Variants in EPAS1 observed in about 807,000 individuals in gnomAD.
EPAS1 encodes the protein endothelial PAS domain-containing protein 1.
Under a neutral mutation model 87.9 loss-of-function variants are expected in EPAS1, and 23 were observed. That is an observed-to-expected ratio of 0.26 (90% CI 0.19 to 0.37). EPAS1 has a LOEUF of 0.37. Among genes scored for constraint, EPAS1 ranks in the 10% least tolerant of loss-of-function variants. The pLI, the probability that EPAS1 is intolerant of heterozygous loss-of-function variation, is 1.00. For missense variants in EPAS1, 1,138 were observed against 1,120.7 expected, an observed-to-expected ratio of 1.02 and a Z score of -0.22; for synonymous variants, 508 against 444.3, an observed-to-expected ratio of 1.14 and a Z score of -1.80.
At chr2:46,329,661 A>C (rs1683635962) in intron 1 of EPAS1, among the ~76,000 whole-genome samples, 1 of 152,120 alleles carries the variant, frequency 6.6e-6, no homozygotes, top group Non-Finnish European at 1.5e-5. Context: ...GTCTCTACTA[A>C]AAATACACAA....
chr2:46,317,631 G>C (rs539644781), intron 1 of EPAS1, among the ~76,000 whole-genome samples: 1 of 152,186 alleles, frequency 6.6e-6, no homozygotes. Flanking sequence ...TTAGTCCCTA[G>C]TAAGAGAGTC....
intron 4 of EPAS1, among the ~76,000 whole-genome samples, chr2:46,357,444 A>G (rs1281213551): frequency 1.2e-4 from 18 of 152,166 alleles, no homozygotes; most frequent in Admixed American, 1.1e-3. Flanking sequence ...CCCTCTCCAT[A>G]TGGTGTCTCT....
At chr2:46,302,118 C>CTCTGTGTATGTG (rs35925160) in intron 1 of EPAS1, among the ~76,000 whole-genome samples, 1 of 127,578 alleles carries the variant, frequency 7.8e-6, no homozygotes, top group Non-Finnish European at 1.6e-5. Flanking sequence ...CTCTTTCTCT[C>CTCTGTGTATGTG]TGTGTGTGTG....
Position 46,380,163 on chromosome 2 carries a change from T to TGGAATAGTGTTTGTGAGGTC in EPAS1, c.1555-62_1555-43dup. ...ATGAATGGCTCTGCAGGAGCTGAGT[T>TGGAATAGTGTTTGTGAGGTC]GGAATAGTGTTTGTGAGGTCGTACC... On this transcript the variant is annotated intron_variant, in intron 11 of 15. Transcript: ENST00000263734. This position sits in a 1 kb window ranked among gnomAD's most constrained non-coding sequence, Gnocchi z 4.4. 6.3e-7 allele frequency: 1 copy of TGGAATAGTGTTTGTGAGGTC among 1,599,736 alleles called. No homozygotes were observed. Among genetic ancestry groups the TGGAATAGTGTTTGTGAGGTC allele is most frequent in the Non-Finnish European group, 8.5e-7 (1 of 1,179,744 alleles).
chr2:46,362,134 C>T (rs1012416588), intron 6 of EPAS1, among the ~76,000 whole-genome samples: 1 of 152,218 alleles, frequency 6.6e-6, no homozygotes, highest in Non-Finnish European at 1.5e-5. Flanking sequence ...GCATCTAGAG[C>T]CGCCATGTGT....
In EPAS1 at chr2:46,375,012, G is replaced by C. The variant is rs77903214; in HGVS notation, c.887-678G>C. 0.028 allele frequency among the ~76,000 whole-genome samples: 4,234 copies of C among 152,178 alleles called. 90 individuals are homozygous for C. Among genetic ancestry groups the C allele is most frequent in the Middle Eastern group, 0.048 (14 of 294 alleles). On this transcript the variant is annotated intron_variant, in intron 7 of 15. Coordinates refer to ENST00000263734, the MANE Select transcript of EPAS1 (RefSeq NM_001430.5). This position sits in a 1 kb window ranked among gnomAD's most constrained non-coding sequence, Gnocchi z 4.1. ...CTGCCAGGGTCCCAGCTCTTTCTCA[G>C]CCCCAACTGAGAAAGGGTGGGGTGG...
chr2:46,376,444 C>G, intron 8 of EPAS1, 95 bp from the exon 9 acceptor site: 1 of 1,236,214 alleles, frequency 8.1e-7, no homozygotes, highest in African/African-American at 1.5e-5. Flanking sequence ...CATTTTTTGT[C>G]GGAGAGCTTA....
At chr2:46,359,368 T>C (rs1396759495) in intron 4 of EPAS1, among the ~76,000 whole-genome samples, 2 of 144,906 alleles carry the variant, frequency 1.4e-5, no homozygotes, top group Non-Finnish European at 3.0e-5. Context: ...AATGAATCCC[T>C]CCAGCCCCCT....
intron 4 of EPAS1, among the ~76,000 whole-genome samples, chr2:46,358,566 C>A (rs1355314527): frequency 6.6e-6 from 1 of 152,224 alleles, no homozygotes; most frequent in African/African-American, 2.4e-5. Flanking sequence ...GAAGCAAGTA[C>A]CCTACTTCTC....
Position 46,371,058 on chromosome 2 carries a change from G to A in EPAS1, c.886+1125G>A, listed in dbSNP as rs1333950340. 1.3e-5 allele frequency among the ~76,000 whole-genome samples: 2 copies of A among 152,156 alleles called. No homozygotes were observed. The highest frequency in any genetic ancestry group is 2.9e-5 in the Non-Finnish European group (2 of 68,036). ...CACTAAATGCACTATATAAACCGAT[G>A]GGCAAGACTGTATTTGGAAAAGAAT... is the stretch of plus-strand genomic sequence containing the variant. On this transcript the variant is annotated intron_variant, in intron 7 of 15. Coordinates refer to ENST00000263734, the MANE Select transcript of EPAS1 (RefSeq NM_001430.5). This position sits in a 1 kb window ranked among gnomAD's most constrained non-coding sequence, Gnocchi z 4.3.
At chr2:46,302,599 T>A (rs984617986) in intron 1 of EPAS1, among the ~76,000 whole-genome samples, 2 of 152,128 alleles carry the variant, frequency 1.3e-5, no homozygotes, top group Non-Finnish European at 2.9e-5. Flanking sequence ...CCAGCTCTGA[T>A]ATTCACCCTA....
chr2:46,360,634 C>T lies in EPAS1; in HGVS notation c.455-4C>T, dbSNP rs755805398. The T allele has an allele frequency of 6.2e-7, 1 of 1,613,432 alleles. No homozygotes were observed. Among genetic ancestry groups the T allele is most frequent in the Admixed American group, 1.7e-5 (1 of 60,036 alleles). ...GCTGGTTCTTCCCATCCTTCCACAT[C>T]CAGGCTCTGGTTTTGGGAAAAAAAG... On this transcript the variant is annotated splice_region_variant and splice_polypyrimidine_tract_variant and intron_variant, in intron 4 of 15. Coordinates refer to ENST00000263734, the MANE Select transcript of EPAS1 (RefSeq NM_001430.5). The surrounding 1 kb of genome is among the most constrained non-coding windows in gnomAD (Gnocchi z 4.5).
intron 1 of EPAS1, among the ~76,000 whole-genome samples, chr2:46,308,237 C>T (rs1202494137): frequency 3.3e-5 from 5 of 152,118 alleles, no homozygotes; most frequent in African/African-American, 4.8e-5. Context: ...CCAGGCTTCC[C>T]GAAATCTTAC....
At chr2:46,358,450 A>G (rs1321648028) in intron 4 of EPAS1, among the ~76,000 whole-genome samples, 1 of 152,232 alleles carries the variant, frequency 6.6e-6, no homozygotes, top group Non-Finnish European at 1.5e-5. Flanking sequence ...AGAAAGCCTG[A>G]GAAAACCAAA....
intron 1 of EPAS1, among the ~76,000 whole-genome samples, chr2:46,328,916 C>A (rs1019169569): frequency 6.6e-6 from 1 of 152,174 alleles, no homozygotes; most frequent in African/African-American, 2.4e-5. Context: ...GTTCCCTCCT[C>A]CTTTTTGTTC....
At position 46,301,644 on chromosome 2, in the gene EPAS1, T is replaced by G. The variant is rs1683002376; in HGVS notation, c.26+3707T>G. Among the ~76,000 whole-genome samples, 4 of 152,090 alleles carry G rather than the reference T, an allele frequency of 2.6e-5. No homozygotes were observed. In the South Asian group the frequency reaches 8.3e-4, roughly 32 times the overall value. ...TTCAATTAAGTATGTATTTTCCTAT[T>G]GTTCACAGGAGAGTACCCCAGCCCT... On this transcript the variant is annotated intron_variant, in intron 1 of 15. Coordinates refer to ENST00000263734, the MANE Select transcript of EPAS1 (RefSeq NM_001430.5).
At chr2:46,320,751 T>G (rs971220239) in intron 1 of EPAS1, among the ~76,000 whole-genome samples, 7 of 152,236 alleles carry the variant, frequency 4.6e-5, no homozygotes. Context: ...GAGTCCTTTC[T>G]ATTCAAGATA....
At chr2:46,329,533 C>T (rs1395895483) in intron 1 of EPAS1, among the ~76,000 whole-genome samples, 4 of 152,134 alleles carry the variant, frequency 2.6e-5, no homozygotes, top group African/African-American at 9.7e-5. Flanking sequence ...TCTATTAAAA[C>T]ACACACACGG....
chr2:46,362,525 T>C (rs1190348229), intron 6 of EPAS1, among the ~76,000 whole-genome samples: 4 of 152,308 alleles, frequency 2.6e-5, no homozygotes. Context: ...ATCTGCCTTG[T>C]CTTCCTCAGC....
Sources: allele counts gnomAD v4.1 joint callset (sites outside exome capture counted in the v4.1 genomes callset), GRCh38; gene constraint gnomAD v4.1.1; non-coding constraint Gnocchi (gnomAD v3.1); transcripts MANE v1.5; gene names NCBI Gene and HGNC (gene_info 2026-07-23, HGNC 2026-07-21).